Variants in ARHGEF12 observed in about 807,000 individuals in gnomAD.
ARHGEF12 encodes KMT2A/ARHGEF12 fusion protein.
ARHGEF12 carries 66 observed loss-of-function variants against 211.2 expected under a neutral mutation model. The observed-to-expected ratio is 0.31, with a 90% CI of 0.26 to 0.38. ARHGEF12 has a LOEUF of 0.38. Ranked by LOEUF, ARHGEF12 falls within the 10% of genes least tolerant of loss-of-function variation. ARHGEF12 has a pLI of 1.00. For missense variants in ARHGEF12, 1,429 were observed against 1,869.5 expected (o/e 0.76, Z 4.34); for synonymous variants, 592 against 638.4 (o/e 0.93, Z 1.09).
chr11:120,479,936 C>T, intron 37 of ARHGEF12, 24 bp from the exon 38 acceptor site: 1 of 1,571,514 alleles, frequency 6.4e-7, no homozygotes, highest in Non-Finnish European at 8.7e-7. Flanking sequence ...TGTTTTTTTT[C>T]CCCCTCCTTC....
chr11:120,412,794 T>C (rs1009099447), intron 4 of ARHGEF12, among the ~76,000 whole-genome samples: 13 of 152,156 alleles, frequency 8.5e-5, no homozygotes, highest in African/African-American at 3.1e-4. Flanking sequence ...GACACTGTCA[T>C]TTTTCCACTC....
chr11:120,420,232 G>A (rs1471694934), intron 4 of ARHGEF12, among the ~76,000 whole-genome samples: 1 of 151,940 alleles, frequency 6.6e-6, no homozygotes, highest in Non-Finnish European at 1.5e-5. Context: ...ATAACTTCAG[G>A]TACTCTGTAA....
At chr11:120,361,350 G>T (rs1361585924) in intron 1 of ARHGEF12, among the ~76,000 whole-genome samples, 1 of 152,192 alleles carries the variant, frequency 6.6e-6, no homozygotes, top group Non-Finnish European at 1.5e-5. Context: ...CTCCTTAAGA[G>T]AATCTAATGC....
At chr11:120,460,564 A>G (rs1011373587) in intron 26 of ARHGEF12, 108 bp from the exon 27 acceptor site, 2 of 720,160 alleles carry the variant, frequency 2.8e-6, no homozygotes, top group African/African-American at 3.6e-5. Context: ...CAGCTGTACT[A>G]CTGTGAAAAT....
intron 1 of ARHGEF12, among the ~76,000 whole-genome samples, chr11:120,386,545 T>C (rs1337767022): frequency 6.6e-6 from 1 of 152,118 alleles, no homozygotes; most frequent in Non-Finnish European, 1.5e-5. Context: ...ATTAACAAAT[T>C]AACAAATTCT....
At chr11:120,421,331 T>C (rs11604012) in intron 5 of ARHGEF12, among the ~76,000 whole-genome samples, 17,601 of 152,118 alleles carry the variant, frequency 0.12, 1,501 homozygotes, top group Admixed American at 0.26. Context: ...TAGGTGATAT[T>C]GAGGCTTAGA....
intron 1 of ARHGEF12, chr11:120,385,303 A>T (rs1310592394): frequency 2.0e-5 from 20 of 985,410 alleles, no homozygotes; most frequent in Non-Finnish European, 2.4e-5. Context: ...TCTTCTTATC[A>T]TCCCTCTTGT....
intron 15 of ARHGEF12, among the ~76,000 whole-genome samples, chr11:120,442,427 T>TATAC (rs1156564301): frequency 2.4e-4 from 34 of 144,048 alleles, no homozygotes; most frequent in African/African-American, 6.7e-4. Context: ...TATATATATA[T>TATAC]ACACACACAC....
chr11:120,446,393 A>G lies in ARHGEF12; in HGVS notation c.1346-10A>G. The G allele has an allele frequency of 6.2e-7, 1 of 1,601,144 alleles. No individual in the cohort carries two copies. Among genetic ancestry groups the G allele is most frequent in the Non-Finnish European group, 8.5e-7 (1 of 1,172,756 alleles). ...ACCTTTAGATAACATAATTCCTTTC[A>G]TTTATGAAGAAAAGAGAAGACCTGA... On this transcript the variant is annotated splice_polypyrimidine_tract_variant and intron_variant, in intron 16 of 40. Transcript: ENST00000397843.
chr11:120,353,967 A>AT (rs766999573), intron 1 of ARHGEF12, among the ~76,000 whole-genome samples: 7 of 152,188 alleles, frequency 4.6e-5, no homozygotes, highest in Non-Finnish European at 8.8e-5. Flanking sequence ...TGCTGGGGGA[A>AT]TCACAGCAGG....
chr11:120,338,677 G>A (rs4938800), intron 1 of ARHGEF12, among the ~76,000 whole-genome samples: 24,699 of 152,092 alleles, frequency 0.16, 2,306 homozygotes, highest in Admixed American at 0.28. Flanking sequence ...TTACGGGTGT[G>A]GGGATAATTG....
At position 120,415,355 on chromosome 11, in the gene ARHGEF12, G is replaced by A. The variant is rs932945513; in HGVS notation, c.200-5398G>A. Reference sequence around the variant, plus strand: ...GTCCTGCCAGGATTTTATGTTCTTTGAGAACAGAAACTCCAAGTAGTCTTG... The same window carrying A: ...GTCCTGCCAGGATTTTATGTTCTTTAAGAACAGAAACTCCAAGTAGTCTTG... On this transcript the variant is annotated intron_variant, in intron 4 of 40. Coordinates refer to ENST00000397843, the MANE Select transcript of ARHGEF12 (RefSeq NM_015313.3). Among the ~76,000 whole-genome samples, 6 of 151,940 alleles carry A rather than the reference G, an allele frequency of 3.9e-5. 1 individual carries two copies. Among genetic ancestry groups the A allele is most frequent in the Admixed American group, 2.0e-4 (3 of 15,256 alleles).
intron 27 of ARHGEF12, among the ~76,000 whole-genome samples, chr11:120,462,170 T>C (rs1255819602): frequency 6.6e-6 from 1 of 152,226 alleles, no homozygotes; most frequent in Non-Finnish European, 1.5e-5. Context: ...GAGAGATATG[T>C]GACTCCTCAC....
Position 120,475,426 on chromosome 11 carries a change from C to CTGGCAT in ARHGEF12, c.3197_3202dup (p.Leu1066_Ala1067dup). On this transcript the variant is annotated inframe_insertion, in exon 33 of 41. Transcript: ENST00000397843. ...GGTTTTAAGGTGTCATAGTAAGATTCTGGCATCTACAGCTGATAGCAAACA... is the reference window on the plus strand; with the variant it reads ...GGTTTTAAGGTGTCATAGTAAGATTCTGGCATTGGCATCTACAGCTGATAGCAAACA... 1 of 1,614,104 alleles carries CTGGCAT rather than the reference C, an allele frequency of 6.2e-7. No individual in the cohort carries two copies. Among genetic ancestry groups the CTGGCAT allele is most frequent in the Non-Finnish European group, 8.5e-7 (1 of 1,179,990 alleles).
chr11:120,350,292 GA>G (rs1394678322), intron 1 of ARHGEF12, among the ~76,000 whole-genome samples: 1 of 152,116 alleles, frequency 6.6e-6, no homozygotes, highest in African/African-American at 2.4e-5. Context: ...GAGGTGGGCG[GA>G]TCATGAGGTC....
chr11:120,484,951 A>T, intron 40 of ARHGEF12, 116 bp from the exon 41 acceptor site: 1 of 1,092,576 alleles, frequency 9.2e-7, no homozygotes, highest in Non-Finnish European at 1.4e-6. Flanking sequence ...TCATCTGCTT[A>T]CATACTGATT....
intron 35 of ARHGEF12, 65 bp downstream of exon 35, chr11:120,477,370 A>G: frequency 2.5e-6 from 4 of 1,595,474 alleles, no homozygotes; most frequent in Non-Finnish European, 3.4e-6. Flanking sequence ...GACTAGGATA[A>G]TTATTATGTT....
intron 1 of ARHGEF12, among the ~76,000 whole-genome samples, chr11:120,369,843 T>C (rs1302102055): frequency 2.6e-5 from 4 of 152,194 alleles, no homozygotes; most frequent in Non-Finnish European, 5.9e-5. Context: ...CTTAGTGTTA[T>C]CTTTTTGGGG....
At chr11:120,347,128 TTTCTTTCCTTCCTTCC>T (rs1315282948) in intron 1 of ARHGEF12, among the ~76,000 whole-genome samples, 6 of 137,240 alleles carry the variant, frequency 4.4e-5, no homozygotes, top group African/African-American at 1.7e-4. Flanking sequence ...CCTTTCTTTC[TTTCTTTCCTTCCTTCC>T]TTCCTTCCTT....
Sources: allele counts gnomAD v4.1 joint callset (sites outside exome capture counted in the v4.1 genomes callset), GRCh38; gene constraint gnomAD v4.1.1; transcripts MANE v1.5; gene names NCBI Gene and HGNC (gene_info 2026-07-23, HGNC 2026-07-21).